Variants in ANKRD30B observed in about 807,000 individuals in gnomAD.
ANKRD30B encodes ankyrin repeat domain 30B, also known as ankyrin repeat domain-containing protein 30B.
In ANKRD30B, 144 loss-of-function variants were observed where a neutral mutation model predicts 202.2. The observed-to-expected ratio is 0.71, with a 90% CI of 0.62 to 0.82. The LOEUF (loss-of-function observed/expected upper bound fraction) is 0.82. ANKRD30B is among the 40% of genes least tolerant of loss of function. The pLI is 0.00. For missense variants in ANKRD30B, 1,487 were observed against 1,669.1 expected, an observed-to-expected ratio of 0.89 and a Z score of 1.90; for synonymous variants, 508 against 561.3, an observed-to-expected ratio of 0.91 and a Z score of 1.34.
chr18:14,781,586 C>G (rs1568004479), intron 11 of ANKRD30B, among the ~76,000 whole-genome samples: 1 of 152,374 alleles, frequency 6.6e-6, no homozygotes, highest in East Asian at 1.9e-4. Context: ...TGAATATTTT[C>G]CATGTTTAAT....
rs866442251 is a variant in ANKRD30B at position 14,792,002 on chromosome 18, G to A, written c.1825+511G>A. On this transcript the variant is annotated intron_variant, in intron 16 of 43. Coordinates refer to ENST00000690538, the MANE Select transcript of ANKRD30B (RefSeq NM_001367607.2). ...TGGTGGGAAGCCATTAGGGATGGAA[G>A]CAGCTGACCATGGAGAGCTGTGTTC... is the stretch of plus-strand genomic sequence containing the variant. Among the ~76,000 whole-genome samples, 16 of 152,284 alleles carry A rather than the reference G, an allele frequency of 1.1e-4. No individual in the cohort carries two copies. In the South Asian group the frequency reaches 2.5e-3, roughly 24 times the overall value.
At position 14,784,349 on chromosome 18, in the gene ANKRD30B, G is replaced by T. The variant is rs765269568; in HGVS notation, c.1584G>T (p.Lys528Asn). 169 of 1,612,512 alleles carry T rather than the reference G, an allele frequency of 1.0e-4. No individual in the cohort carries two copies. The highest frequency in any genetic ancestry group is 1.4e-4 in the Non-Finnish European group (163 of 1,179,184). The change falls in exon 13 of 44, where the codon AAG (lysine) becomes AAT (asparagine). Residue 528 changes from lysine to asparagine, a missense_variant. Around this residue, in one of 6 missense-constraint regions of ANKRD30B, gnomAD observed 889 missense variants for 841.4 expected, o/e 1.06. Transcript: ENST00000690538. ...TTTGCATTTTAGAGCTTCCTGAGAAGCCATCTGCCTTCAAGGTATTTAGTT... is the reference window on the plus strand; with the variant it reads ...TTTGCATTTTAGAGCTTCCTGAGAATCCATCTGCCTTCAAGGTATTTAGTT... ...INREVEELPE[K>N]PSAFKPAVEM...
chr18:14,863,548 T>A, the ANKRD30B span, among the ~76,000 whole-genome samples: 5 of 152,040 alleles, frequency 3.3e-5, no homozygotes, highest in African/African-American at 1.2e-4. Flanking sequence ...AAATAAATAT[T>A]TTTTCTCTAT....
At position 14,810,270 on chromosome 18, in the gene ANKRD30B, T is replaced by C. The variant is rs190784559; in HGVS notation, c.2488+90T>C. The C allele has an allele frequency of 4.8e-5, 41 of 859,766 alleles. No homozygotes were observed. The East Asian group carries it at 1.3e-3, about 27-fold the overall frequency. 53.3% of individuals were successfully genotyped at this position (859,766 alleles called of 1,614,324 possible). On this transcript the variant is annotated intron_variant, in intron 28 of 43. Transcript: ENST00000690538. ...GCCTTTTATTCCCAAAGTTGTTTTCTTTTGAAAATTTGATGGGAAAATTTG... is the reference window on the plus strand; with the variant it reads ...GCCTTTTATTCCCAAAGTTGTTTTCCTTTGAAAATTTGATGGGAAAATTTG...
chr18:14,819,702 G>A (rs1210652047), intron 30 of ANKRD30B, among the ~76,000 whole-genome samples: 2 of 151,920 alleles, frequency 1.3e-5, no homozygotes, highest in East Asian at 3.9e-4. Flanking sequence ...TGAGGGCTCT[G>A]TTCTGTTCCA....
chr18:14,919,845 C>T, the ANKRD30B span, among the ~76,000 whole-genome samples: 5 of 152,288 alleles, frequency 3.3e-5, no homozygotes, highest in Admixed American at 1.3e-4. Flanking sequence ...TGTTTAAAAA[C>T]GTTCTGCACC....
chr18:14,778,751 T>G (rs1457942031), intron 10 of ANKRD30B, among the ~76,000 whole-genome samples: 1 of 152,178 alleles, frequency 6.6e-6, no homozygotes, highest in Non-Finnish European at 1.5e-5. Flanking sequence ...TTTAATAAGT[T>G]CTCAAGTGAT....
chr18:14,753,218 A>G (rs1913752340), intron 3 of ANKRD30B, among the ~76,000 whole-genome samples: 2 of 152,192 alleles, frequency 1.3e-5, no homozygotes, highest in African/African-American at 4.8e-5. Context: ...TTTATGATAA[A>G]TATTTGAATT....
chr18:14,769,325 A>AC lies in ANKRD30B; in HGVS notation c.1226-17dup. The AC allele has an allele frequency of 6.6e-7, 1 of 1,518,436 alleles. No individual in the cohort carries two copies. The highest frequency in any genetic ancestry group is 8.9e-7 in the Non-Finnish European group (1 of 1,123,276). The allele number at this position is 1,518,436 out of a possible 1,614,324, so 94.1% of individuals were successfully genotyped here. A position where few individuals can be genotyped will look rare whatever the true frequency, so the allele number is the denominator to read the frequency against. On this transcript the variant is annotated splice_polypyrimidine_tract_variant and intron_variant, in intron 7 of 43. Transcript: ENST00000690538. Reference sequence around the variant, plus strand: ...TATATTTGTTAATTTAATGTATTTTACTTTTTTTCTTTAATAGTGGATGTG... The same window carrying AC: ...TATATTTGTTAATTTAATGTATTTTACCTTTTTTTCTTTAATAGTGGATGTG...
intron 9 of ANKRD30B, among the ~76,000 whole-genome samples, chr18:14,773,927 T>TA (rs1182476674): frequency 6.6e-6 from 1 of 152,178 alleles, no homozygotes; most frequent in South Asian, 2.1e-4. Context: ...GTGCTGGGAT[T>TA]ACAGCTTGAG....
the ANKRD30B span, among the ~76,000 whole-genome samples, chr18:14,902,651 C>G: frequency 6.6e-6 from 1 of 152,180 alleles, no homozygotes; most frequent in Non-Finnish European, 1.5e-5. Context: ...CAACCTCACT[C>G]TCCATGTGTC....
At chr18:14,935,266 T>G in the ANKRD30B span, among the ~76,000 whole-genome samples, 92 of 152,322 alleles carry the variant, frequency 6.0e-4, no homozygotes, top group African/African-American at 2.2e-3. Context: ...GCTAGGACAC[T>G]TTCCTCACTT....
At chr18:14,820,317 A>G (rs530592218) in intron 30 of ANKRD30B, among the ~76,000 whole-genome samples, 1 of 152,288 alleles carries the variant, frequency 6.6e-6, no homozygotes, top group South Asian at 2.1e-4. Flanking sequence ...AAGAGGGACA[A>G]TTTGACTTCC....
chr18:14,931,974 T>TCCCGGGCCCCCC, the ANKRD30B span, among the ~76,000 whole-genome samples: 3 of 10,254 alleles, frequency 2.9e-4, no homozygotes, highest in Non-Finnish European at 5.8e-4. Flanking sequence ...CTCCCTCCTG[T>TCCCGGGCCCCCC]ACTGTCCCAG....
chr18:14,779,816 T>C, intron 10 of ANKRD30B, 144 bp from the exon 11 acceptor site: 2 of 549,474 alleles, frequency 3.6e-6, no homozygotes, highest in Non-Finnish European at 6.3e-6. Context: ...CAATTGACTA[T>C]AGAAGTGGTG....
chr18:14,911,163 G>C, the ANKRD30B span, among the ~76,000 whole-genome samples: 1 of 152,182 alleles, frequency 6.6e-6, no homozygotes, highest in East Asian at 1.9e-4. Context: ...TGTTGCACTT[G>C]CTTTTGAGGA....
At chr18:14,920,559 GA>G in the ANKRD30B span, among the ~76,000 whole-genome samples, 2 of 152,084 alleles carry the variant, frequency 1.3e-5, no homozygotes, top group South Asian at 2.1e-4. Context: ...TAGCACAAAA[GA>G]AAAAAATGAG....
chr18:14,790,851 CT>C (rs919164393), intron 15 of ANKRD30B, among the ~76,000 whole-genome samples: 2 of 151,756 alleles, frequency 1.3e-5, no homozygotes, highest in African/African-American at 4.8e-5. Flanking sequence ...CTAAAATTCT[CT>C]TTTTTTTGTT....
Position 14,748,390 on chromosome 18 carries a change from G to C in ANKRD30B, c.-30G>C. On this transcript the variant is annotated 5_prime_UTR_variant, in exon 1 of 44. Coordinates refer to ENST00000690538, the MANE Select transcript of ANKRD30B (RefSeq NM_001367607.2). ...GGCTGGGGAAGGGCGAGCGGGAGGC[G>C]CGGGCTCTCTCTAGCAGGGGGCTGC... 1 of 1,415,666 alleles carries C rather than the reference G, an allele frequency of 7.1e-7. No homozygotes were observed. The allele number at this position is 1,415,666 out of a possible 1,614,324, so 87.7% of individuals were successfully genotyped here.
Sources: allele counts gnomAD v4.1 joint callset (sites outside exome capture counted in the v4.1 genomes callset), GRCh38; gene constraint gnomAD v4.1.1; regional missense constraint gnomAD v4.1.1; transcripts MANE v1.5; gene names NCBI Gene and HGNC (gene_info 2026-07-23, HGNC 2026-07-21).